FGGY: variants seen among roughly 807,000 people sequenced by gnomAD.
FGGY encodes the protein FGGY carbohydrate kinase domain-containing protein.
Under a neutral mutation model 71.3 loss-of-function variants are expected in FGGY, and 72 were observed. The observed-to-expected ratio is 1.01, with a 90% CI of 0.84 to 1.23. The LOEUF (loss-of-function observed/expected upper bound fraction) is 1.23, where lower values mean the gene tolerates loss of function less well. Ranked by LOEUF, FGGY falls within the 50% of genes most tolerant of loss-of-function variation. The pLI is 0.00. For missense variants in FGGY, 668 were observed against 682.3 expected, an observed-to-expected ratio of 0.98 and a Z score of 0.23; for synonymous variants, 251 against 250.3, an observed-to-expected ratio of 1.00 and a Z score of -0.02.
intron 6 of FGGY, among the ~76,000 whole-genome samples, chr1:59,482,468 G>T (rs954951754): frequency 2.0e-5 from 3 of 151,928 alleles, no homozygotes; most frequent in Non-Finnish European, 4.4e-5. Flanking sequence ...CTAAGAGGCT[G>T]CATATTTATA....
chr1:59,578,917 G>GA (rs369524284), intron 8 of FGGY, among the ~76,000 whole-genome samples: 9 of 152,154 alleles, frequency 5.9e-5, no homozygotes, highest in African/African-American at 2.2e-4. Flanking sequence ...CGAGGTAGAA[G>GA]AAAAACCTTG....
chr1:59,443,784 C>G (rs1167498735), intron 5 of FGGY, among the ~76,000 whole-genome samples: 1 of 152,176 alleles, frequency 6.6e-6, no homozygotes. Context: ...TGTATGTTTT[C>G]TGTCTCTTCT....
intron 7 of FGGY, among the ~76,000 whole-genome samples, chr1:59,529,732 A>T (rs1405963442): frequency 6.6e-6 from 1 of 152,182 alleles, no homozygotes; most frequent in Non-Finnish European, 1.5e-5. Flanking sequence ...GGTGATCTCA[A>T]GCCAGAGATT....
At chr1:59,487,408 G>A (rs1301411873) in intron 6 of FGGY, among the ~76,000 whole-genome samples, 2 of 152,106 alleles carry the variant, frequency 1.3e-5, no homozygotes, top group Non-Finnish European at 2.9e-5. Flanking sequence ...AAATGTGCCT[G>A]CCAGATTATA....
chr1:59,619,196 G>A (rs902136402), intron 9 of FGGY, among the ~76,000 whole-genome samples: 2 of 151,978 alleles, frequency 1.3e-5, no homozygotes, highest in Non-Finnish European at 2.9e-5. Flanking sequence ...AGTATTTACG[G>A]AGTGCTTACT....
intron 4 of FGGY, among the ~76,000 whole-genome samples, chr1:59,353,658 A>G (rs548003430): frequency 6.6e-6 from 1 of 152,320 alleles, no homozygotes; most frequent in African/African-American, 2.4e-5. Context: ...TTTACTTCAC[A>G]AGAGTTATTT....
chr1:59,680,956 T>C (rs563555778), intron 14 of FGGY: 2 of 152,338 alleles, frequency 1.3e-5, no homozygotes, highest in African/African-American at 4.8e-5. Flanking sequence ...GTATTTGTCA[T>C]CATTGCTTGG....
chr1:59,313,304 A>C (rs1166160510), intron 1 of FGGY, among the ~76,000 whole-genome samples: 1 of 152,202 alleles, frequency 6.6e-6, no homozygotes, highest in African/African-American at 2.4e-5. Flanking sequence ...TGGAGGACAC[A>C]AGCATTCAGA....
chr1:59,406,394 T>TCAC (rs1390298550), intron 5 of FGGY, among the ~76,000 whole-genome samples: 4 of 152,232 alleles, frequency 2.6e-5, no homozygotes, highest in African/African-American at 9.6e-5. Context: ...GTTGGCGATT[T>TCAC]CACCATTTAA....
chr1:59,525,775 C>G (rs2094959835), intron 7 of FGGY, among the ~76,000 whole-genome samples: 1 of 152,112 alleles, frequency 6.6e-6, no homozygotes, highest in African/African-American at 2.4e-5. Flanking sequence ...TTCATAAACT[C>G]CCATTTAAAC....
chr1:59,331,578 C>T (rs1165444928), intron 2 of FGGY, among the ~76,000 whole-genome samples: 3 of 152,172 alleles, frequency 2.0e-5, no homozygotes, highest in Non-Finnish European at 2.9e-5. Flanking sequence ...GAACCACCTC[C>T]TCCTTGCATT....
chr1:59,354,622 T>C (rs1048235249), intron 4 of FGGY, among the ~76,000 whole-genome samples: 5 of 152,146 alleles, frequency 3.3e-5, no homozygotes, highest in Non-Finnish European at 5.9e-5. Context: ...CTGTGAACAA[T>C]GGTCAGTAGC....
intron 5 of FGGY, 74 bp downstream of exon 5, chr1:59,378,911 ACT>A: frequency 8.4e-7 from 1 of 1,187,928 alleles, no homozygotes; most frequent in Non-Finnish European, 1.2e-6. Flanking sequence ...TGCTTTCTTA[ACT>A]CTCTTTGACT....
chr1:59,482,309 T>A (rs1429461633), intron 6 of FGGY, among the ~76,000 whole-genome samples: 2 of 152,156 alleles, frequency 1.3e-5, no homozygotes, highest in Non-Finnish European at 2.9e-5. Flanking sequence ...TAGAACCTCC[T>A]GTGGGCTCGG....
At chr1:59,569,582 A>G (rs534660880) in intron 8 of FGGY, among the ~76,000 whole-genome samples, 15 of 152,314 alleles carry the variant, frequency 9.8e-5, no homozygotes, top group Admixed American at 2.0e-4. Flanking sequence ...TTCAAGAGAA[A>G]GTGGGTCCCA....
chr1:59,339,886 C>A, intron 2 of FGGY, 72 bp from the exon 3 acceptor site: 1 of 837,974 alleles, frequency 1.2e-6, no homozygotes, highest in Middle Eastern at 2.4e-4. Context: ...TTCCTTCCTT[C>A]TAGTTGTAAC....
intron 4 of FGGY, among the ~76,000 whole-genome samples, chr1:59,360,141 T>TATC (rs1398161708): frequency 1.3e-5 from 2 of 151,024 alleles, no homozygotes; most frequent in African/African-American, 2.4e-5. Flanking sequence ...TTATTATTAT[T>TATC]ATTATTATTA....
intron 7 of FGGY, among the ~76,000 whole-genome samples, chr1:59,538,406 C>G (rs182964490): frequency 2.5e-4 from 38 of 152,104 alleles, no homozygotes; most frequent in African/African-American, 8.4e-4. Flanking sequence ...GGACTGTAAA[C>G]TAGTTGAACC....
chr1:59,350,586 A>C (rs908902545), intron 4 of FGGY, among the ~76,000 whole-genome samples: 2 of 152,190 alleles, frequency 1.3e-5, no homozygotes, highest in Non-Finnish European at 2.9e-5. Flanking sequence ...AGATGAGGCC[A>C]GGTAAATAGT....
Sources: allele counts gnomAD v4.1 joint callset (sites outside exome capture counted in the v4.1 genomes callset), GRCh38; gene constraint gnomAD v4.1.1; transcripts MANE v1.5; gene names NCBI Gene and HGNC (gene_info 2026-07-23, HGNC 2026-07-21).